SYN3: variants seen among roughly 807,000 people sequenced by gnomAD.
The protein encoded by SYN3 is synapsin-3.
In SYN3, 35 loss-of-function variants were observed where a neutral mutation model predicts 65.8. The observed-to-expected ratio is 0.53, with a 90% CI of 0.41 to 0.70. SYN3 has a LOEUF of 0.70. SYN3 is among the 30% of genes least tolerant of loss of function. The pLI is 0.00. For synonymous variants in SYN3, 270 were observed against 292.9 expected (o/e 0.92, Z 0.80); for missense variants, 680 against 749.0 (o/e 0.91, Z 1.08).
chr22:32,513,735 A>G lies in SYN3; in HGVS notation c.1700T>C (p.Ile567Thr), dbSNP rs1283793818. 6.2e-7 allele frequency: 1 copy of G among 1,614,186 alleles called. No homozygotes were observed. The highest frequency in any genetic ancestry group is 8.5e-7 in the Non-Finnish European group (1 of 1,180,028). Reference protein sequence around the residue: ...PSEDEAKAETIRNLRKSFASL... With the variant: ...PSEDEAKAETTRNLRKSFASL... ...GGCAAAAGACTTCCTCAGGTTGCGG[A>G]TGGTTTCAGCCTTGGCCTCGTCTTC... The change falls in exon 14 of 14, where the codon ATC (isoleucine) becomes ACC (threonine). Residue 567 changes from isoleucine (I) to threonine (T), a missense_variant. Physicochemically the swap from Ile to Thr is moderately conservative, Grantham distance 89 (BLOSUM62 -1). Transcript: ENST00000358763.
At chr22:32,652,784 AGCG>A (rs1380500157) in intron 6 of SYN3, among the ~76,000 whole-genome samples, 3 of 152,168 alleles carry the variant, frequency 2.0e-5, no homozygotes, top group Non-Finnish European at 2.9e-5. Flanking sequence ...CTCCCTAGTT[AGCG>A]GCAGAGAGGA....
chr22:32,676,539 T>C (rs1159439419), intron 6 of SYN3, among the ~76,000 whole-genome samples: 5 of 94,386 alleles, frequency 5.3e-5, no homozygotes, highest in African/African-American at 1.1e-4. Context: ...TTTTTTTTTT[T>C]TTTTTTTTTT....
chr22:32,926,504 T>C (rs2050474448), intron 4 of SYN3, among the ~76,000 whole-genome samples: 1 of 152,194 alleles, frequency 6.6e-6, no homozygotes, highest in Non-Finnish European at 1.5e-5. Flanking sequence ...AATTACTTCC[T>C]TTTCCCTAGT....
At chr22:32,645,635 T>G (rs1265121706) in intron 6 of SYN3, among the ~76,000 whole-genome samples, 1 of 152,192 alleles carries the variant, frequency 6.6e-6, no homozygotes, top group African/African-American at 2.4e-5. Flanking sequence ...ATGTCCTTTC[T>G]CTTGAGACCC....
At chr22:32,988,499 T>C (rs1453328872) in intron 2 of SYN3, among the ~76,000 whole-genome samples, 3 of 152,118 alleles carry the variant, frequency 2.0e-5, no homozygotes, top group African/African-American at 7.2e-5. Flanking sequence ...CCACCTACTA[T>C]GTGCCAGAGT....
intron 4 of SYN3, among the ~76,000 whole-genome samples, chr22:32,882,912 C>A (rs904815781): frequency 6.6e-6 from 1 of 152,120 alleles, no homozygotes; most frequent in Non-Finnish European, 1.5e-5. Flanking sequence ...CCCCGCCCCC[C>A]AACCAGCTCC....
intron 3 of SYN3, among the ~76,000 whole-genome samples, chr22:32,941,076 ACCT>A (rs2050922072): frequency 2.0e-5 from 3 of 152,146 alleles, no homozygotes; most frequent in African/African-American, 7.2e-5. Context: ...CCTCTCAAAG[ACCT>A]CCTCAACGAA....
At chr22:32,710,128 T>TGC (rs1230286200) in intron 6 of SYN3, among the ~76,000 whole-genome samples, 1 of 148,252 alleles carries the variant, frequency 6.7e-6, no homozygotes, top group Non-Finnish European at 1.5e-5. Context: ...TGTGTGTGTG[T>TGC]GTGTATTTAC....
At chr22:32,976,532 A>C (rs1038773257) in intron 3 of SYN3, among the ~76,000 whole-genome samples, 1 of 152,154 alleles carries the variant, frequency 6.6e-6, no homozygotes, top group Non-Finnish European at 1.5e-5. Flanking sequence ...GGTCCCACAG[A>C]GGGGTGACTT....
intron 6 of SYN3, among the ~76,000 whole-genome samples, chr22:32,660,215 C>T (rs1379688189): frequency 6.6e-6 from 1 of 152,190 alleles, no homozygotes; most frequent in East Asian, 1.9e-4. Context: ...TCCAAGTTCA[C>T]CTCCTTAAAG....
chr22:32,747,145 A>G (rs776475331), intron 6 of SYN3, among the ~76,000 whole-genome samples: 4 of 152,164 alleles, frequency 2.6e-5, no homozygotes, highest in Non-Finnish European at 5.9e-5. Context: ...CCTCATGCGA[A>G]TCCCAGGGCT....
intron 6 of SYN3, among the ~76,000 whole-genome samples, chr22:32,754,955 T>G (rs2045248760): frequency 6.6e-6 from 1 of 152,138 alleles, no homozygotes; most frequent in Non-Finnish European, 1.5e-5. Flanking sequence ...ACTCCCTGGA[T>G]AGGAAGGGAC....
At chr22:32,574,450 G>A (rs775831173) in intron 7 of SYN3, among the ~76,000 whole-genome samples, 70 of 152,140 alleles carry the variant, frequency 4.6e-4, no homozygotes, top group Non-Finnish European at 5.7e-4. Context: ...CTGTACTCCA[G>A]CCTGGGCACC....
At chr22:32,543,131 G>A (rs1442280460) in intron 7 of SYN3, among the ~76,000 whole-genome samples, 1 of 152,054 alleles carries the variant, frequency 6.6e-6, no homozygotes, top group South Asian at 2.1e-4. Flanking sequence ...CTTTGCCTTG[G>A]CAACTCTGTC....
intron 6 of SYN3, among the ~76,000 whole-genome samples, chr22:32,742,519 C>T (rs1256258320): frequency 2.0e-5 from 3 of 152,142 alleles, no homozygotes; most frequent in Non-Finnish European, 4.4e-5. Context: ...GAGGATCTTA[C>T]ACCAAGGACA....
chr22:32,730,663 G>C (rs1200249443), intron 6 of SYN3, among the ~76,000 whole-genome samples: 1 of 152,148 alleles, frequency 6.6e-6, no homozygotes, highest in Non-Finnish European at 1.5e-5. Context: ...TTCAGGTTCT[G>C]GCATCTCTTG....
At chr22:32,909,303 C>T (rs978110547) in intron 4 of SYN3, among the ~76,000 whole-genome samples, 3 of 152,138 alleles carry the variant, frequency 2.0e-5, no homozygotes, top group African/African-American at 4.8e-5. Flanking sequence ...GGTTAAATCC[C>T]GGTTCCTTCA....
At position 32,981,533 on chromosome 22, in the gene SYN3, C is replaced by A. The variant is rs1007458464; in HGVS notation, c.312-831G>T. ...CCGGAAGGCAGAAGTTGCGGTGAGC[C>A]AAGATCACGCCACTGCACTCCAGCT... On this transcript the variant is annotated intron_variant, in intron 2 of 13. Coordinates refer to ENST00000358763, the MANE Select transcript of SYN3 (RefSeq NM_003490.4). Among the ~76,000 whole-genome samples, 7 of 151,912 alleles carry A rather than the reference C, an allele frequency of 4.6e-5. 1 individual carries two copies. The highest frequency in any genetic ancestry group is 3.9e-4 in the East Asian group (2 of 5,106).
intron 6 of SYN3, among the ~76,000 whole-genome samples, chr22:32,730,776 TC>T (rs2061259868): frequency 1.3e-5 from 2 of 152,210 alleles, no homozygotes; most frequent in Admixed American, 6.5e-5. Context: ...CTCAAAGCCT[TC>T]CGTGTCTTAC....
Sources: gnomAD v4.1 joint callset for allele counts (sites outside exome capture counted in the v4.1 genomes callset) on GRCh38, gnomAD v4.1.1 for gene constraint, MANE v1.5 for transcripts, NCBI Gene and HGNC (gene_info 2026-07-23, HGNC 2026-07-21) for gene names.